NOTCH1: variants seen among roughly 807,000 people sequenced by gnomAD.
NOTCH1 encodes notch receptor 1, also known as neurogenic locus notch homolog protein 1.
NOTCH1 carries 37 observed loss-of-function variants against 254.8 expected under a neutral mutation model. The ratio of observed to expected loss-of-function variants is 0.15; its 90% confidence interval spans 0.11 to 0.19. The LOEUF is 0.19. Among genes scored for constraint, NOTCH1 ranks in the 10% least tolerant of loss-of-function variants. NOTCH1 has a pLI of 1.00. For synonymous variants in NOTCH1, 1,731 were observed against 1,618.1 expected, an observed-to-expected ratio of 1.07 and a Z score of -1.68; for missense variants, 2,972 against 3,708.6, an observed-to-expected ratio of 0.80 and a Z score of 5.16.
Position 136,502,472 on chromosome 9 carries a change from C to A in NOTCH1, c.5184G>T (p.Pro1728=). ...TGAAGTGCAGCTGCGCCGGCGGGGGCGGCTCCACGGTCTCACCTGCGGGCA... is the reference window on the plus strand; with the variant it reads ...TGAAGTGCAGCTGCGCCGGCGGGGGAGGCTCCACGGTCTCACCTGCGGGCA... ...IEAVQSETVE[P]PPPAQLHFMY... is the part of the protein sequence containing the mutation. The change falls in exon 28 of 34, where the codon CCG becomes CCT. Residue 1728 remains proline (P), a synonymous_variant. Coordinates refer to ENST00000651671, the MANE Select transcript of NOTCH1 (RefSeq NM_017617.5). 1.3e-6 allele frequency: 2 copies of A among 1,573,902 alleles called. No homozygotes were observed. Among genetic ancestry groups the A allele is most frequent in the Non-Finnish European group, 8.6e-7 (1 of 1,162,252 alleles).
intron 2 of NOTCH1, among the ~76,000 whole-genome samples, chr9:136,538,772 G>A (rs1843690814): frequency 6.6e-6 from 1 of 152,262 alleles, no homozygotes; most frequent in Non-Finnish European, 1.5e-5. Context: ...TGGAGGGTGG[G>A]CGGCCGTCTG....
Position 136,545,146 on chromosome 9 carries a change from C to A in NOTCH1, c.61+580G>T, listed in dbSNP as rs894038853. Among the ~76,000 whole-genome samples the A allele has an allele frequency of 3.3e-5, 5 of 150,882 alleles. No homozygotes were observed. Among genetic ancestry groups the A allele is most frequent in the Non-Finnish European group, 7.4e-5 (5 of 67,632 alleles). ...TCCCCCCGGGCGCGGCGGCTTCTTA[C>A]GCAACCCCTCCCCCAAACTGAGAGC... On this transcript the variant is annotated intron_variant, in intron 1 of 33. Transcript: ENST00000651671. This position sits in a 1 kb window ranked among gnomAD's most constrained non-coding sequence, Gnocchi z 6.8.
chr9:136,505,303 G>T lies in NOTCH1; in HGVS notation c.4586+7C>A, dbSNP rs2133338432. On this transcript the variant is annotated splice_region_variant and intron_variant, in intron 25 of 33. Coordinates refer to ENST00000651671, the MANE Select transcript of NOTCH1 (RefSeq NM_017617.5). ...CTCCCTCAGCCCCATGAGCCCCGCAGCCTTACTTGCACTGGCCTTCCGCAC... is the reference window on the plus strand; with the variant it reads ...CTCCCTCAGCCCCATGAGCCCCGCATCCTTACTTGCACTGGCCTTCCGCAC... 6.4e-7 allele frequency: 1 copy of T among 1,564,152 alleles called. No individual in the cohort carries two copies. The highest frequency in any genetic ancestry group is 8.7e-7 in the Non-Finnish European group (1 of 1,154,992).
intron 2 of NOTCH1, among the ~76,000 whole-genome samples, chr9:136,536,644 T>C (rs1219573891): frequency 5.9e-5 from 9 of 152,188 alleles, no homozygotes; most frequent in Admixed American, 5.2e-4. Flanking sequence ...TGGAAGCTGC[T>C]CCGTGGTGGG....
At position 136,507,160 on chromosome 9, in the gene NOTCH1, A is replaced by G. The variant is rs908485039; in HGVS notation, c.3643+145T>C. The G allele has an allele frequency of 5.8e-5, 87 of 1,491,832 alleles. 2 individuals are homozygous for G. The highest frequency in any genetic ancestry group is 7.2e-5 in the Non-Finnish European group (78 of 1,087,110). The allele number at this position is 1,491,832 out of a possible 1,614,324, so 92.4% of individuals were successfully genotyped here. Reference sequence around the variant, plus strand: ...CCCGCTCTGGGCCCTTTCCCTGGGCAGCTGTGAGTCGGCCTTGGCCTCACA... The same window carrying G: ...CCCGCTCTGGGCCCTTTCCCTGGGCGGCTGTGAGTCGGCCTTGGCCTCACA... On this transcript the variant is annotated intron_variant, in intron 22 of 33. Transcript: ENST00000651671.
chr9:136,497,582 G>C (rs200590169), intron 33 of NOTCH1, 24 bp from the exon 34 acceptor site: 236 of 1,548,264 alleles, frequency 1.5e-4, no homozygotes, highest in Non-Finnish European at 1.6e-4. Context: ...GCGGGGGCCG[G>C]TGAGGGGGGC....
At chr9:136,514,360 G>A in intron 13 of NOTCH1, 150 bp downstream of exon 13, 1 of 794,522 alleles carries the variant, frequency 1.3e-6, no homozygotes, top group Non-Finnish European at 2.1e-6. Flanking sequence ...CCAGAGGCAT[G>A]TGCGTCCCCG....
In NOTCH1 at chr9:136,545,212, G is replaced by C. The variant is rs1843796694; in HGVS notation, c.61+514C>G. 6.6e-6 allele frequency among the ~76,000 whole-genome samples: 1 copy of C among 152,066 alleles called. No individual in the cohort carries two copies. The highest frequency in any genetic ancestry group is 2.1e-4 in the South Asian group (1 of 4,820). On this transcript the variant is annotated intron_variant, in intron 1 of 33. Coordinates refer to ENST00000651671, the MANE Select transcript of NOTCH1 (RefSeq NM_017617.5). This position sits in a 1 kb window ranked among gnomAD's most constrained non-coding sequence, Gnocchi z 6.8. ...CGGCGGGCGGGGCGACCGGGAGCCCGGGGACCCAGCCCGGCCGCGCGGGTC... is the reference window on the plus strand; with the variant it reads ...CGGCGGGCGGGGCGACCGGGAGCCCCGGGACCCAGCCCGGCCGCGCGGGTC...
rs1326257346 is a variant in NOTCH1, at chr9:136,504,910, C to A, written c.4781G>T (p.Arg1594Leu). The A allele has an allele frequency of 6.3e-7, 1 of 1,587,046 alleles. No homozygotes were observed. The change falls in exon 26 of 34, where the codon CGG becomes CTG. Residue 1594 changes from arginine to leucine, a missense_variant. Arg to Leu is a moderately radical substitution (Grantham distance 102). Around this residue, in one of 8 missense-constraint regions of NOTCH1, gnomAD observed 1,343 missense variants for 1,557.0 expected, o/e 0.86. Transcript: ENST00000651671. ...QLRNSSFHFL[R>L]ELSRVLHTNV... is the part of the protein sequence containing the mutation. ...GGTGTGCAGCACGCGGCTGAGCTCCCGCAGGAAGTGGAAGGAGCTGTTGCG... is the reference window on the plus strand; with the variant it reads ...GGTGTGCAGCACGCGGCTGAGCTCCAGCAGGAAGTGGAAGGAGCTGTTGCG...
chr9:136,522,667 A>G (rs1035525421), intron 4 of NOTCH1, 183 bp downstream of exon 4: 6 of 617,608 alleles, frequency 9.7e-6, no homozygotes, highest in South Asian at 8.4e-5. Context: ...CTCCCAGCGC[A>G]CACCCCGCTC....
At chr9:136,508,745 G>GCC in intron 19 of NOTCH1, 125 bp downstream of exon 19, 2 of 943,180 alleles carry the variant, frequency 2.1e-6, no homozygotes, top group Non-Finnish European at 3.1e-6. Flanking sequence ...GAAACCCTCT[G>GCC]CCCGGGGGTG....
intron 27 of NOTCH1, 70 bp downstream of exon 27, chr9:136,503,112 C>A (rs749926677): frequency 1.9e-6 from 3 of 1,602,428 alleles, no homozygotes; most frequent in African/African-American, 1.3e-5. Flanking sequence ...AAACAGCCAG[C>A]GTGTCTGGGG....
rs1843309324 is a variant in NOTCH1 at position 136,518,241 on chromosome 9, C to T, written c.1151G>A (p.Gly384Asp). Residue 384 changes from glycine (G) to aspartate (D), a missense_variant, in exon 7 of 34, where the codon GGC becomes GAC. Around this residue, in one of 8 missense-constraint regions of NOTCH1, gnomAD observed 90 missense variants for 183.6 expected, o/e 0.49. Transcript: ENST00000651671. ...GACAGGGTTGGTGTCGCAGTTGGAGCCCTCGTTACAGGGGTTGCTGATGCA... is the reference window on the plus strand; with the variant it reads ...GACAGGGTTGGTGTCGCAGTTGGAGTCCTCGTTACAGGGGTTGCTGATGCA... The part of the protein sequence containing the change: ...DACISNPCNE[G>D]SNCDTNPVNG... 1 of 1,610,714 alleles carries T rather than the reference C, an allele frequency of 6.2e-7. No homozygotes were observed. The highest frequency in any genetic ancestry group is 8.5e-7 in the Non-Finnish European group (1 of 1,179,124).
intron 26 of NOTCH1, 106 bp downstream of exon 26, chr9:136,504,567 G>A (rs1172346135): frequency 1.0e-5 from 12 of 1,195,704 alleles, no homozygotes; most frequent in Non-Finnish European, 1.4e-5. Flanking sequence ...CCATAAAGTG[G>A]GGAGAGTACT....
In NOTCH1 at chr9:136,502,278, C is replaced by T. The variant is rs2133330798; in HGVS notation, c.5378G>A (p.Gly1793Asp). 6.2e-7 allele frequency: 1 copy of T among 1,611,770 alleles called. No homozygotes were observed. The highest frequency in any genetic ancestry group is 8.5e-7 in the Non-Finnish European group (1 of 1,179,608). ...AGGGGCGGCGTCCGCTCACTTGAGG[C>T]CCACGGAGTCCTCGCCGAGGGGCTC... ...RREPLGEDSV[G>D]LKPLKNASDG... Residue 1793 changes from glycine (G) to aspartate (D), a missense_variant, in exon 28 of 34, where the codon GGC (glycine) becomes GAC (aspartate). Gly to Asp is a moderately conservative substitution (Grantham distance 94, BLOSUM62 -1). Around this residue, in one of 8 missense-constraint regions of NOTCH1, gnomAD observed 421 missense variants for 604.4 expected, o/e 0.70. Coordinates refer to ENST00000651671, the MANE Select transcript of NOTCH1 (RefSeq NM_017617.5).
In NOTCH1 at chr9:136,501,844, G is replaced by C. The variant is rs35652719; in HGVS notation, c.5542C>G (p.Leu1848Val). 6.2e-7 allele frequency: 1 copy of C among 1,612,748 alleles called. No individual in the cohort carries two copies. The highest frequency in any genetic ancestry group is 8.5e-7 in the Non-Finnish European group (1 of 1,179,974). ...TDHRQWTQQH[L>V]DAADLRMSAM... ...GACATGCGCAGGTCAGCGGCATCCA[G>C]GTGCTGCTGAGTCCACTGCCGGTGG... The change falls in exon 30 of 34, where the codon CTG becomes GTG. Residue 1848 changes from leucine (L) to valine (V), a missense_variant. Leu to Val is a conservative substitution (Grantham distance 32, BLOSUM62 1). Transcript: ENST00000651671.
chr9:136,529,788 G>A (rs1368096356), intron 2 of NOTCH1, among the ~76,000 whole-genome samples: 4 of 152,272 alleles, frequency 2.6e-5, no homozygotes, highest in Non-Finnish European at 5.9e-5. Flanking sequence ...TCTTGGACAG[G>A]AGAGAGGGAT....
chr9:136,507,242 C>G (rs953899624), intron 22 of NOTCH1, 63 bp downstream of exon 22: 19 of 1,610,772 alleles, frequency 1.2e-5, no homozygotes, highest in Non-Finnish European at 1.4e-5. Flanking sequence ...TCCCGGGGTG[C>G]CTGCCCTGCC....
chr9:136,504,649 C>G (rs2133335532), intron 26 of NOTCH1, 24 bp downstream of exon 26: 3 of 1,489,460 alleles, frequency 2.0e-6, no homozygotes, highest in Non-Finnish European at 2.7e-6. Flanking sequence ...CGGGGATTGA[C>G]CGTGGGCGCC....
Sources: gnomAD v4.1 joint callset for allele counts (sites outside exome capture counted in the v4.1 genomes callset) on GRCh38, gnomAD v4.1.1 for gene constraint, gnomAD v4.1.1 regional missense constraint, Gnocchi (gnomAD v3.1) non-coding constraint, MANE v1.5 for transcripts, NCBI Gene and HGNC (gene_info 2026-07-23, HGNC 2026-07-21) for gene names.